The following STON2 variants were observed in gnomAD, a reference collection of about 807,000 sequenced individuals.
The protein encoded by STON2 is stonin-2.
In STON2, 29 loss-of-function variants were observed where a neutral mutation model predicts 65.7. That is an observed-to-expected ratio of 0.44 (90% CI 0.33 to 0.60). The LOEUF is 0.60. STON2 is among the 20% of genes least tolerant of loss of function. The pLI, the probability that STON2 is intolerant of heterozygous loss-of-function variation, is 0.03. For synonymous variants in STON2, 404 were observed against 414.2 expected (o/e 0.98, Z 0.30); for missense variants, 1,054 against 1,118.1 (o/e 0.94, Z 0.82).
chr14:81,307,241 T>C (rs941737120), intron 5 of STON2, among the ~76,000 whole-genome samples: 2 of 152,208 alleles, frequency 1.3e-5, no homozygotes, highest in African/African-American at 4.8e-5. Flanking sequence ...CTGATGCAAT[T>C]ATAACATTAG....
chr14:81,319,641 T>C (rs1896752003), intron 5 of STON2, among the ~76,000 whole-genome samples: 1 of 152,226 alleles, frequency 6.6e-6, no homozygotes, highest in South Asian at 2.1e-4. Context: ...TGGAAGGGAT[T>C]GACAAGACCA....
At chr14:81,297,703 G>A (rs1242828722) in intron 5 of STON2, among the ~76,000 whole-genome samples, 1 of 152,198 alleles carries the variant, frequency 6.6e-6, no homozygotes, top group Admixed American at 6.5e-5. Context: ...GCTTCGTATA[G>A]TATAAAACTT....
intron 5 of STON2, among the ~76,000 whole-genome samples, chr14:81,293,790 G>A (rs75162004): frequency 0.017 from 2,538 of 152,166 alleles, 69 homozygotes; most frequent in African/African-American, 0.051. Flanking sequence ...GCTACTCATG[G>A]GACTGCAGAC....
chr14:81,386,267 C>T lies in STON2; in HGVS notation c.373+9627G>A, dbSNP rs569049220. Among the ~76,000 whole-genome samples, 5 of 152,312 alleles carry T rather than the reference C, an allele frequency of 3.3e-5. No homozygotes were observed. The South Asian group carries it at 1.0e-3, about 32-fold the overall frequency. ...TCTGTTGCAGGGGGAATTACATATG[C>T]ATGCAAAATGCAGTAGGGCCTTGTC... is the stretch of plus-strand genomic sequence containing the variant. On this transcript the variant is annotated intron_variant, in intron 3 of 7. Coordinates refer to ENST00000614646, the MANE Select transcript of STON2 (RefSeq NM_001394390.1).
At chr14:81,359,733 G>C (rs935832314) in intron 4 of STON2, among the ~76,000 whole-genome samples, 1 of 152,104 alleles carries the variant, frequency 6.6e-6, no homozygotes, top group Admixed American at 6.5e-5. Context: ...AGAATATTAC[G>C]ATTACATGCC....
chr14:81,433,290 C>T (rs931134012), intron 1 of STON2, among the ~76,000 whole-genome samples: 1 of 152,174 alleles, frequency 6.6e-6, no homozygotes, highest in Non-Finnish European at 1.5e-5. Flanking sequence ...ACCGTATTTG[C>T]CCTGGCCCTC....
At chr14:81,290,294 A>G (rs530481785) in intron 5 of STON2, among the ~76,000 whole-genome samples, 1 of 152,310 alleles carries the variant, frequency 6.6e-6, no homozygotes, top group East Asian at 1.9e-4. Context: ...TAATAGTGCC[A>G]TTCTACCAGA....
upstream of STON2, among the ~76,000 whole-genome samples, chr14:81,402,266 G>A (rs1190933529): frequency 6.6e-6 from 1 of 152,186 alleles, no homozygotes; most frequent in Non-Finnish European, 1.5e-5. Flanking sequence ...CCTCCGGTGT[G>A]TCTCACAAAG....
chr14:81,319,592 T>C (rs147221452), intron 5 of STON2, among the ~76,000 whole-genome samples: 276 of 152,322 alleles, frequency 1.8e-3, no homozygotes, highest in African/African-American at 6.2e-3. Context: ...GTTATTTGTT[T>C]AAGTATAGAT....
chr14:81,397,590 C>T (rs756164515), intron 2 of STON2, among the ~76,000 whole-genome samples: 5 of 152,112 alleles, frequency 3.3e-5, no homozygotes, highest in Admixed American at 2.6e-4. Context: ...TTATAAATGA[C>T]GGTGGGATGA....
Position 81,371,087 on chromosome 14 carries a change from C to T in STON2, c.472G>A (p.Asp158Asn). ...CATCCAAAGCTAGGACTGCTGGTGTCTTCAGAATGGGTGGTCCAGCTGCTC... is the reference window on the plus strand; with the variant it reads ...CATCCAAAGCTAGGACTGCTGGTGTTTTCAGAATGGGTGGTCCAGCTGCTC... ...SESSWTTHSE[D>N]TSSPSFGCSY... The change falls in exon 4 of 8, where the codon GAC (aspartate) becomes AAC (asparagine). Residue 158 changes from aspartate to asparagine, a missense_variant. Physicochemically the swap from Asp to Asn is conservative, Grantham distance 23. Transcript: ENST00000614646. The T allele has an allele frequency of 6.2e-7, 1 of 1,614,098 alleles. No individual in the cohort carries two copies. The highest frequency in any genetic ancestry group is 8.5e-7 in the Non-Finnish European group (1 of 1,180,002).
At chr14:81,306,160 T>TCC (rs1444449984) in intron 5 of STON2, among the ~76,000 whole-genome samples, 4 of 143,264 alleles carry the variant, frequency 2.8e-5, no homozygotes, top group African/African-American at 1.1e-4. Context: ...TAAATCTCTC[T>TCC]CTCTCTCTAT....
chr14:81,264,781 T>G lies in STON2; in HGVS notation c.*3633A>C. On this transcript the variant is annotated 3_prime_UTR_variant, in exon 8 of 8. Transcript: ENST00000614646. Reference sequence around the variant, plus strand: ...CTGTCCAGATAATATTTAATATGAATGAAATGCAAACTTTTGATAAGGAAT... The same window carrying G: ...CTGTCCAGATAATATTTAATATGAAGGAAATGCAAACTTTTGATAAGGAAT... 1.0e-6 allele frequency: 1 copy of G among 985,398 alleles called. No individual in the cohort carries two copies. Among genetic ancestry groups the G allele is most frequent in the Non-Finnish European group, 1.2e-6 (1 of 829,930 alleles). 61.0% of individuals were successfully genotyped at this position (985,398 alleles called of 1,614,324 possible). A position where few individuals can be genotyped will look rare whatever the true frequency, so the allele number is the denominator to read the frequency against.
chr14:81,373,999 CTTTTTTTT>C (rs57877137), intron 3 of STON2, among the ~76,000 whole-genome samples: 2 of 60,470 alleles, frequency 3.3e-5, no homozygotes, highest in African/African-American at 8.1e-5. Context: ...ATAATAATGC[CTTTTTTTT>C]TTTTTTTTTT....
At chr14:81,429,233 A>G (rs1453898800) in intron 1 of STON2, among the ~76,000 whole-genome samples, 1 of 152,174 alleles carries the variant, frequency 6.6e-6, no homozygotes, top group Non-Finnish European at 1.5e-5. Context: ...ATCCTTACGG[A>G]GATATGAAGT....
chr14:81,303,735 T>C (rs984762797), intron 5 of STON2, among the ~76,000 whole-genome samples: 2 of 152,166 alleles, frequency 1.3e-5, no homozygotes, highest in African/African-American at 4.8e-5. Context: ...AGGGGAGGTA[T>C]ATTTACAGTT....
At position 81,368,075 on chromosome 14, in the gene STON2, T is replaced by C. The variant is rs113055936; in HGVS notation, c.571+2913A>G. 6.0e-3 allele frequency among the ~76,000 whole-genome samples: 921 copies of C among 152,262 alleles called. 3 individuals carry two copies. The highest frequency in any genetic ancestry group is 0.011 in the Non-Finnish European group (755 of 68,016). ...GTTTTAAATCCCTTGGTCCTATTTA[T>C]ATTAAAAATAAGCCAAGGCAAAATA... On this transcript the variant is annotated intron_variant, in intron 4 of 7. Transcript: ENST00000614646.
At chr14:81,270,978 C>A in intron 6 of STON2, 106 bp from the exon 7 acceptor site, 1 of 1,434,966 alleles carries the variant, frequency 7.0e-7, no homozygotes, top group South Asian at 1.5e-5. Context: ...GCTCGGCACC[C>A]GGCAGCCTTT....
intron 3 of STON2, among the ~76,000 whole-genome samples, chr14:81,372,800 A>G (rs1200108419): frequency 1.3e-5 from 2 of 152,222 alleles, no homozygotes; most frequent in Non-Finnish European, 2.9e-5. Flanking sequence ...TGATAATGTC[A>G]GTTCTCCTGC....
Sources: allele counts gnomAD v4.1 joint callset (sites outside exome capture counted in the v4.1 genomes callset), GRCh38; gene constraint gnomAD v4.1.1; transcripts MANE v1.5; gene names NCBI Gene and HGNC (gene_info 2026-07-23, HGNC 2026-07-21).